Variants in ACSM1 observed in about 807,000 individuals in gnomAD.
The protein encoded by ACSM1 is acyl-CoA synthetase medium chain family member 1.
A neutral mutation model predicts 75.8 loss-of-function variants in ACSM1; 79 were observed. That is an observed-to-expected ratio of 1.04 (90% CI 0.87 to 1.26). The LOEUF (loss-of-function observed/expected upper bound fraction) is 1.26, where lower values mean the gene tolerates loss of function less well. Among genes scored for constraint, ACSM1 ranks in the 50% most tolerant of loss-of-function variants. ACSM1 has a pLI of 0.00. For missense variants in ACSM1, 676 were observed against 720.1 expected, an observed-to-expected ratio of 0.94 and a Z score of 0.70; for synonymous variants, 279 against 265.8, an observed-to-expected ratio of 1.05 and a Z score of -0.48.
intron 7 of ACSM1, among the ~76,000 whole-genome samples, chr16:20,649,370 A>G (rs2152234072): frequency 6.6e-6 from 1 of 152,284 alleles, no homozygotes; most frequent in South Asian, 2.1e-4. Context: ...ACCCCTGAAC[A>G]TATTTCTCTG....
chr16:20,667,074 T>G (rs1413125921), intron 6 of ACSM1, among the ~76,000 whole-genome samples: 1 of 151,986 alleles, frequency 6.6e-6, no homozygotes, highest in East Asian at 1.9e-4. Flanking sequence ...ACCAATTGCA[T>G]CAAAACCAAA....
intron 2 of ACSM1, among the ~76,000 whole-genome samples, chr16:20,685,819 C>CAAAA (rs71842093): frequency 0.026 from 1,292 of 49,916 alleles, 264 homozygotes; most frequent in Non-Finnish European, 0.031. Flanking sequence ...GACTCCGTCT[C>CAAAA]AAAAAAAAAA....
intron 7 of ACSM1, among the ~76,000 whole-genome samples, chr16:20,660,886 C>T (rs2019261977): frequency 6.6e-6 from 1 of 152,114 alleles, no homozygotes; most frequent in Non-Finnish European, 1.5e-5. Flanking sequence ...TAAGATAACA[C>T]CACACACCCA....
rs747038040 is a variant in ACSM1, at chr16:20,682,457, A to G, written c.410T>C (p.Ile137Thr). ...CAACAGGATGGTCGCAGGAATGAAG[A>G]TGATCCCTGGGGATGAGAAAGGAAC... ...VAVGCMRTGI[I>T]FIPATILLKA... is the part of the protein sequence containing the mutation. Residue 137 changes from isoleucine to threonine, a missense_variant, in exon 4 of 14, where the codon ATC becomes ACC. Ile to Thr is a moderately conservative substitution (Grantham distance 89). Transcript: ENST00000520010. The G allele has an allele frequency of 2.5e-6, 4 of 1,613,154 alleles. No individual in the cohort carries two copies. In the South Asian group the frequency reaches 4.4e-5, roughly 18 times the overall value.
chr16:20,634,766 T>A (rs965208281), intron 10 of ACSM1, among the ~76,000 whole-genome samples: 1 of 152,178 alleles, frequency 6.6e-6, no homozygotes, highest in Admixed American at 6.5e-5. Context: ...AGATGGGTAA[T>A]CGTGATGGCT....
chr16:20,666,613 T>G (rs2019578521), intron 6 of ACSM1, among the ~76,000 whole-genome samples: 1 of 151,958 alleles, frequency 6.6e-6, no homozygotes, highest in African/African-American at 2.4e-5. Context: ...TTTCACAGAA[T>G]CAGAAAAAAC....
At chr16:20,691,635 A>T (rs2079653092) in intron 1 of ACSM1, among the ~76,000 whole-genome samples, 1 of 152,066 alleles carries the variant, frequency 6.6e-6, no homozygotes, top group African/African-American at 2.4e-5. Flanking sequence ...GTTGCCATGG[A>T]AGCTGTGATA....
chr16:20,640,322 T>G, intron 8 of ACSM1, 139 bp downstream of exon 8: 2 of 1,024,838 alleles, frequency 2.0e-6, no homozygotes, highest in Non-Finnish European at 2.8e-6. Flanking sequence ...CTTTTCTCCT[T>G]TAAATATTGA....
In ACSM1 at chr16:20,691,237, T is replaced by C. The variant is rs1411625895; in HGVS notation, c.-49A>G. ...GGCACAGAGTTCTCAAGTCACCACCTGCCTTGGGAAGAGATGGCTAATAGA... is the reference window on the plus strand; with the variant it reads ...GGCACAGAGTTCTCAAGTCACCACCCGCCTTGGGAAGAGATGGCTAATAGA... On this transcript the variant is annotated splice_region_variant and 5_prime_UTR_variant, in exon 2 of 14. Coordinates refer to ENST00000520010, the MANE Select transcript of ACSM1 (RefSeq NM_001318890.3). 6.9e-6 allele frequency: 10 copies of C among 1,459,364 alleles called. No homozygotes were observed. Among genetic ancestry groups the C allele is most frequent in the Non-Finnish European group, 8.2e-6 (9 of 1,097,046 alleles). The allele number at this position is 1,459,364 out of a possible 1,614,324, so 90.4% of individuals were successfully genotyped here. A position where few individuals can be genotyped will look rare whatever the true frequency, so the allele number is the denominator to read the frequency against.
chr16:20,631,281 A>G (rs1219097685), intron 10 of ACSM1, among the ~76,000 whole-genome samples: 2 of 152,208 alleles, frequency 1.3e-5, no homozygotes, highest in Non-Finnish European at 2.9e-5. Flanking sequence ...AAGGGCACTA[A>G]TATCACTAAT....
At chr16:20,676,959 G>GA (rs1208345748) in intron 4 of ACSM1, among the ~76,000 whole-genome samples, 1 of 152,112 alleles carries the variant, frequency 6.6e-6, no homozygotes, top group Non-Finnish European at 1.5e-5. Context: ...TAAAGTGTCA[G>GA]AAAAAAGCTC....
At chr16:20,638,656 G>A (rs1452097786) in intron 8 of ACSM1, among the ~76,000 whole-genome samples, 1 of 152,210 alleles carries the variant, frequency 6.6e-6, no homozygotes, top group East Asian at 1.9e-4. Flanking sequence ...AGGTGGGGGA[G>A]CTGAGGTGAG....
In ACSM1 at chr16:20,671,669, G is replaced by A. The variant is rs1252993227; in HGVS notation, c.614C>T (p.Ser205Leu). 1.3e-6 allele frequency: 2 copies of A among 1,563,948 alleles called. No individual in the cohort carries two copies. Among genetic ancestry groups the A allele is most frequent in the Admixed American group, 1.9e-5 (1 of 52,808 alleles). ...GWLDFRSLVK[S>L]ASPEHTCVKS... ...AACACAGGTGTGTTCTGGGGATGCTGATCTGCAAAGGGGTTCAAGACAAAA... is the reference window on the plus strand; with the variant it reads ...AACACAGGTGTGTTCTGGGGATGCTAATCTGCAAAGGGGTTCAAGACAAAA... The change falls in exon 5 of 14, where the codon TCA (serine) becomes TTA (leucine). Residue 205 changes from serine (S) to leucine (L), a missense_variant and splice_region_variant. Transcript: ENST00000520010.
chr16:20,635,004 A>G (rs2017576950), intron 10 of ACSM1, among the ~76,000 whole-genome samples: 1 of 152,174 alleles, frequency 6.6e-6, no homozygotes, highest in African/African-American at 2.4e-5. Context: ...AAAAAAACCC[A>G]AAGAAGTCCC....
At chr16:20,658,925 A>G (rs2019148129) in intron 7 of ACSM1, among the ~76,000 whole-genome samples, 1 of 152,236 alleles carries the variant, frequency 6.6e-6, no homozygotes, top group Non-Finnish European at 1.5e-5. Flanking sequence ...GAGTCTGATC[A>G]AAGAATATGA....
At position 20,648,680 on chromosome 16, in the gene ACSM1, T is replaced by C. The variant is rs1596838588; in HGVS notation, c.993-8096A>G. 3.9e-5 allele frequency among the ~76,000 whole-genome samples: 6 copies of C among 152,338 alleles called. No individual in the cohort carries two copies. The South Asian group carries it at 1.2e-3, about 32-fold the overall frequency. On this transcript the variant is annotated intron_variant, in intron 7 of 13. Transcript: ENST00000520010. This position sits in a 1 kb window ranked among gnomAD's most constrained non-coding sequence, Gnocchi z 4.2. Reference sequence around the variant, plus strand: ...CTTTTATTTCTACAATCCTTTATCCTAACCCTCTCTTTTATTGATTCCAGG... The same window carrying C: ...CTTTTATTTCTACAATCCTTTATCCCAACCCTCTCTTTTATTGATTCCAGG...
chr16:20,661,190 T>C (rs372056367), intron 7 of ACSM1, among the ~76,000 whole-genome samples: 50 of 152,182 alleles, frequency 3.3e-4, no homozygotes, highest in African/African-American at 1.1e-3. Context: ...TATAAGAAAT[T>C]GTGGTATTTT....
At chr16:20,668,094 T>C (rs1261650247) in intron 6 of ACSM1, among the ~76,000 whole-genome samples, 1 of 152,100 alleles carries the variant, frequency 6.6e-6, no homozygotes, top group South Asian at 2.1e-4. Context: ...AGAATATTCT[T>C]ACTCCAAACC....
Position 20,623,553 on chromosome 16 carries a change from A to G in ACSM1, c.1667T>C (p.Leu556Pro), listed in dbSNP as rs766194614. ...YPRKVEFVSE[L>P]PKTITGKIER... Reference sequence around the variant, plus strand: ...AATCTTGCCAGTGATGGTTTTTGGCAGCTCTGAGACAAACTCCACCTGGTT... The same window carrying G: ...AATCTTGCCAGTGATGGTTTTTGGCGGCTCTGAGACAAACTCCACCTGGTT... The change falls in exon 14 of 14, where the codon CTG becomes CCG. Residue 556 changes from leucine (L) to proline (P), a missense_variant. Coordinates refer to ENST00000520010, the MANE Select transcript of ACSM1 (RefSeq NM_001318890.3). The G allele has an allele frequency of 5.0e-6, 8 of 1,613,970 alleles. No individual in the cohort carries two copies. Among genetic ancestry groups the G allele is most frequent in the Admixed American group, 3.3e-5 (2 of 59,998 alleles).
Sources: allele counts gnomAD v4.1 joint callset (sites outside exome capture counted in the v4.1 genomes callset), GRCh38; gene constraint gnomAD v4.1.1; non-coding constraint Gnocchi (gnomAD v3.1); transcripts MANE v1.5; gene names NCBI Gene and HGNC (gene_info 2026-07-23, HGNC 2026-07-21).